AVEN: variants seen among roughly 807,000 people sequenced by gnomAD.
AVEN encodes the protein apoptosis and caspase activation inhibitor.
In AVEN, 41 loss-of-function variants were observed where a neutral mutation model predicts 38.1. That is an observed-to-expected ratio of 1.08 (90% CI 0.84 to 1.40). The LOEUF is 1.40. AVEN is among the 40% of genes most tolerant of loss of function. The pLI, the probability that AVEN is intolerant of heterozygous loss-of-function variation, is 0.00. For missense variants in AVEN, 605 were observed against 438.8 expected (o/e 1.38, Z -3.38); for synonymous variants, 206 against 171.8 (o/e 1.20, Z -1.56).
intron 5 of AVEN, among the ~76,000 whole-genome samples, chr15:34,056,462 A>G (rs1900154724): frequency 6.6e-6 from 1 of 152,250 alleles, no homozygotes; most frequent in African/African-American, 2.4e-5. Context: ...CTCTGTGTTA[A>G]GCCAAATTAA....
chr15:33,893,615 G>C (rs1433302198), intron 2 of AVEN, among the ~76,000 whole-genome samples: 1 of 152,176 alleles, frequency 6.6e-6, no homozygotes, highest in Non-Finnish European at 1.5e-5. Context: ...TGCATAATGT[G>C]AATTCTTTTG....
In AVEN at chr15:34,075,133, G is replaced by T. The variant is rs1040123368; in HGVS notation, n.23C>A. On this transcript the variant is annotated non_coding_transcript_exon_variant, in exon 1 of 12. Transcript: ENST00000675287. ...TGGAGGTTGCAGTGGACCAAGCCAA[G>T]ATCACGCCACTGCACTCCAGCCTGG... Among the ~76,000 whole-genome samples the T allele has an allele frequency of 9.3e-5, 12 of 129,616 alleles. No individual in the cohort carries two copies. In the Admixed American group the frequency reaches 1.1e-3, roughly 12 times the overall value. The allele number at this position is 129,616 out of a possible 152,430, so 85.0% of individuals were successfully genotyped here.
intron 2 of AVEN, among the ~76,000 whole-genome samples, chr15:33,884,870 C>T (rs1347463469): frequency 6.6e-6 from 1 of 151,928 alleles, no homozygotes; most frequent in Non-Finnish European, 1.5e-5. Context: ...CCACCCAATT[C>T]TGATCATTTG....
At position 33,921,411 on chromosome 15, in the gene AVEN, C is replaced by T. The variant is rs994271762; in HGVS notation, c.446-45416G>A. 5.2e-5 allele frequency among the ~76,000 whole-genome samples: 7 copies of T among 135,796 alleles called. No homozygotes were observed. In the Admixed American group the frequency reaches 5.6e-4, roughly 11 times the overall value. 89.1% of individuals were successfully genotyped at this position (135,796 alleles called of 152,430 possible). A position where few individuals can be genotyped will look rare whatever the true frequency, so the allele number is the denominator to read the frequency against. ...TTTCAGAACAGGTGAGATTTAATCTCGAATTGAGAGAACAGGGAGGAGAGT... is the reference window on the plus strand; with the variant it reads ...TTTCAGAACAGGTGAGATTTAATCTTGAATTGAGAGAACAGGGAGGAGAGT... On this transcript the variant is annotated intron_variant, in intron 2 of 5. Transcript: ENST00000306730.
upstream of AVEN, among the ~76,000 whole-genome samples, chr15:34,043,354 G>A (rs1278717025): frequency 1.3e-5 from 2 of 152,148 alleles, no homozygotes; most frequent in East Asian, 1.9e-4. Context: ...CAAATATAAA[G>A]TTTGTGGGGA....
chr15:33,899,784 C>T (rs1160994953), intron 2 of AVEN, among the ~76,000 whole-genome samples: 2 of 151,898 alleles, frequency 1.3e-5, no homozygotes, highest in Admixed American at 1.3e-4. Context: ...CCTTTTCTAT[C>T]CTTAACTTGC....
At chr15:33,945,838 G>A (rs2153054882) in intron 2 of AVEN, among the ~76,000 whole-genome samples, 1 of 152,182 alleles carries the variant, frequency 6.6e-6, no homozygotes, top group Non-Finnish European at 1.5e-5. Context: ...GCCCACCTTG[G>A]CCTCCCAAAG....
chr15:33,995,969 C>G (rs180951632), intron 2 of AVEN, among the ~76,000 whole-genome samples: 1 of 152,304 alleles, frequency 6.6e-6, no homozygotes, highest in East Asian at 1.9e-4. Context: ...AATCTGGACA[C>G]TTCCGCCCAA....
At chr15:33,924,020 T>C (rs1395023088) in intron 2 of AVEN, among the ~76,000 whole-genome samples, 2 of 151,862 alleles carry the variant, frequency 1.3e-5, no homozygotes, top group East Asian at 3.9e-4. Flanking sequence ...GTAATAATAA[T>C]AGAAATAAAG....
At position 33,901,994 on chromosome 15, in the gene AVEN, T is replaced by C. The variant is rs577508394; in HGVS notation, c.446-25999A>G. ...CTTTCCATTTTGTTGACTGGTTTTTTGTTTTGTTTGTTTTGCTGTGCAGAA... is the reference window on the plus strand; with the variant it reads ...CTTTCCATTTTGTTGACTGGTTTTTCGTTTTGTTTGTTTTGCTGTGCAGAA... On this transcript the variant is annotated intron_variant, in intron 2 of 5. Transcript: ENST00000306730. Among the ~76,000 whole-genome samples the C allele has an allele frequency of 9.2e-5, 14 of 152,330 alleles. 1 individual carries two copies. The South Asian group carries it at 2.7e-3, about 29-fold the overall frequency.
At chr15:33,946,324 TG>T (rs774321565) in intron 2 of AVEN, among the ~76,000 whole-genome samples, 194 of 152,228 alleles carry the variant, frequency 1.3e-3, no homozygotes, top group Non-Finnish European at 2.1e-3. Context: ...GAGGTAGGGC[TG>T]AAAAATCTCA....
intron 2 of AVEN, among the ~76,000 whole-genome samples, chr15:33,900,625 TA>T (rs1892454434): frequency 1.1e-5 from 1 of 91,432 alleles, no homozygotes; most frequent in African/African-American, 3.5e-5. Flanking sequence ...AATTTTTAAA[TA>T]CAAAAAAAAA....
intron 5 of AVEN, among the ~76,000 whole-genome samples, chr15:34,049,953 T>G (rs965659903): frequency 6.7e-6 from 1 of 148,904 alleles, no homozygotes; most frequent in African/African-American, 2.5e-5. Flanking sequence ...AGTGGCACAA[T>G]CTCAGCTCAC....
chr15:34,064,339 A>G, intron 4 of AVEN: 14 of 1,593,500 alleles, frequency 8.8e-6, no homozygotes, highest in Non-Finnish European at 1.2e-5. Flanking sequence ...TCCTCTCGAA[A>G]GAACAATGAC....
chr15:34,065,943 T>A (rs1900499129), intron 4 of AVEN: 1 of 152,146 alleles, frequency 6.6e-6, no homozygotes, highest in Admixed American at 6.5e-5. Context: ...AATTAGCTGG[T>A]TTAGTTGTCC....
chr15:34,021,897 A>G (rs553143353), intron 1 of AVEN, among the ~76,000 whole-genome samples: 151 of 152,312 alleles, frequency 9.9e-4, no homozygotes, highest in Non-Finnish European at 2.0e-3. Flanking sequence ...GCACTTCCAC[A>G]TGGCAACATT....
chr15:33,968,639 C>A (rs1217267780), intron 2 of AVEN: 2 of 152,056 alleles, frequency 1.3e-5, no homozygotes, highest in Admixed American at 1.3e-4. Flanking sequence ...CCTTCATCTT[C>A]TACAGAAAGG....
At chr15:33,944,349 C>T (rs1294213455) in intron 2 of AVEN, among the ~76,000 whole-genome samples, 1 of 152,202 alleles carries the variant, frequency 6.6e-6, no homozygotes, top group African/African-American at 2.4e-5. Context: ...GTGCCGGCAA[C>T]TATAACGTGT....
chr15:33,941,475 A>G (rs1894317614), intron 2 of AVEN, among the ~76,000 whole-genome samples: 1 of 152,232 alleles, frequency 6.6e-6, no homozygotes, highest in Non-Finnish European at 1.5e-5. Context: ...GACAGAAACT[A>G]CCACCAGCTG....
Sources: allele counts gnomAD v4.1 joint callset (sites outside exome capture counted in the v4.1 genomes callset), GRCh38; gene constraint gnomAD v4.1.1; transcripts MANE v1.5; gene names NCBI Gene and HGNC (gene_info 2026-07-23, HGNC 2026-07-21).